Variants in CNTNAP5 observed in about 807,000 individuals in gnomAD.
CNTNAP5 encodes contactin-associated protein-like 5.
CNTNAP5 carries 72 observed loss-of-function variants against 150.2 expected under a neutral mutation model. The ratio of observed to expected loss-of-function variants is 0.48; its 90% CI spans 0.40 to 0.58. The LOEUF is 0.58. CNTNAP5 is among the 20% of genes least tolerant of loss of function. The pLI is 0.00. For missense variants in CNTNAP5, 1,636 were observed against 1,626.2 expected (o/e 1.01, Z -0.10); for synonymous variants, 672 against 619.8 (o/e 1.08, Z -1.25).
At chr2:124,592,912 T>C (rs1696730282) in intron 11 of CNTNAP5, among the ~76,000 whole-genome samples, 1 of 151,924 alleles carries the variant, frequency 6.6e-6, no homozygotes, top group Non-Finnish European at 1.5e-5. Flanking sequence ...CCTTTTTTTG[T>C]TTATTGTATC....
chr2:124,553,913 G>T (rs1038275416), intron 10 of CNTNAP5, among the ~76,000 whole-genome samples: 1 of 152,120 alleles, frequency 6.6e-6, no homozygotes, highest in Non-Finnish European at 1.5e-5. Context: ...AGGGATATGA[G>T]GGCCAAAGGT....
intron 13 of CNTNAP5, among the ~76,000 whole-genome samples, chr2:124,680,127 T>C (rs1399864703): frequency 2.6e-5 from 4 of 151,776 alleles, no homozygotes; most frequent in Non-Finnish European, 4.4e-5. Context: ...CCCTCAAAAG[T>C]TCTTTGTCAG....
intron 13 of CNTNAP5, among the ~76,000 whole-genome samples, chr2:124,707,140 G>GGAAGAAGAAGAGGAA (rs1679697669): frequency 1.2e-5 from 1 of 86,380 alleles, no homozygotes; most frequent in Non-Finnish European, 2.4e-5. Context: ...AAGAAGAAGA[G>GGAAGAAGAAGAGGAA]GAAGAAGAAG....
intron 1 of CNTNAP5, among the ~76,000 whole-genome samples, chr2:124,145,844 A>AAAT (rs1684238489): frequency 2.0e-4 from 29 of 142,470 alleles, no homozygotes; most frequent in Non-Finnish European, 4.0e-4. Flanking sequence ...AAAAAAAAAA[A>AAAT]AATAAAATAT....
At chr2:124,667,989 A>C (rs1215441037) in intron 13 of CNTNAP5, among the ~76,000 whole-genome samples, 2 of 152,250 alleles carry the variant, frequency 1.3e-5, no homozygotes, top group African/African-American at 4.8e-5. Context: ...TGATGGAACT[A>C]GTTCATCAAA....
At chr2:124,600,747 GAGAGAGAGAGAGAGAGAGAGAA>G (rs1315582400) in intron 11 of CNTNAP5, among the ~76,000 whole-genome samples, 33 of 126,936 alleles carry the variant, frequency 2.6e-4, no homozygotes, top group East Asian at 1.8e-3. Flanking sequence ...GAGAGAGAGA[GAGAGAGAGAGAGAGAGAGAGAA>G]AGAGAGAGAA....
intron 21 of CNTNAP5, among the ~76,000 whole-genome samples, chr2:124,886,632 C>T (rs531721105): frequency 1.3e-4 from 19 of 151,978 alleles, no homozygotes; most frequent in Admixed American, 4.6e-4. Flanking sequence ...TGCAAGCAAA[C>T]CTACTTTTCA....
chr2:124,562,086 C>G (rs1342655982), intron 10 of CNTNAP5, among the ~76,000 whole-genome samples: 2 of 152,100 alleles, frequency 1.3e-5, no homozygotes, highest in Non-Finnish European at 1.5e-5. Flanking sequence ...AAGAATAACC[C>G]AAAGGCACCA....
chr2:124,675,092 T>A (rs997373017), intron 13 of CNTNAP5, among the ~76,000 whole-genome samples: 9 of 152,232 alleles, frequency 5.9e-5, no homozygotes, highest in Non-Finnish European at 8.8e-5. Context: ...TTTCTTCAAC[T>A]TTTTTTGTGC....
intron 2 of CNTNAP5, among the ~76,000 whole-genome samples, chr2:124,238,351 A>G (rs1444515483): frequency 1.3e-5 from 2 of 152,044 alleles, no homozygotes; most frequent in Non-Finnish European, 2.9e-5. Flanking sequence ...TCAGGAACAG[A>G]GCTGGGTCTT....
At chr2:124,273,589 T>A (rs1252828247) in intron 3 of CNTNAP5, among the ~76,000 whole-genome samples, 2 of 152,118 alleles carry the variant, frequency 1.3e-5, no homozygotes, top group Non-Finnish European at 2.9e-5. Context: ...TCAGGATGGA[T>A]GCCATGTTGA....
chr2:124,368,163 A>G (rs1416261949), intron 3 of CNTNAP5, among the ~76,000 whole-genome samples: 2 of 152,192 alleles, frequency 1.3e-5, no homozygotes, highest in East Asian at 3.8e-4. Context: ...AGCAAGTTTG[A>G]TTAGTGCAAT....
intron 4 of CNTNAP5, among the ~76,000 whole-genome samples, chr2:124,428,860 ATATATTCAGT>A (rs368747946): frequency 3.7e-4 from 56 of 150,890 alleles, no homozygotes; most frequent in African/African-American, 1.2e-3. Context: ...AATATGGGAG[ATATATTCAGT>A]TTTATGTTTT....
intron 3 of CNTNAP5, among the ~76,000 whole-genome samples, chr2:124,389,433 T>C (rs1206343732): frequency 2.0e-5 from 3 of 152,222 alleles, no homozygotes; most frequent in Non-Finnish European, 2.9e-5. Context: ...AGTTAGCCCA[T>C]AGGTTTTGTC....
intron 8 of CNTNAP5, among the ~76,000 whole-genome samples, chr2:124,509,996 G>T (rs1694520374): frequency 6.6e-6 from 1 of 151,912 alleles, no homozygotes; most frequent in Admixed American, 6.6e-5. Context: ...GAGGTCAGGA[G>T]TTCAAGACCA....
At chr2:124,726,958 T>C (rs1680169189) in intron 13 of CNTNAP5, among the ~76,000 whole-genome samples, 2 of 152,268 alleles carry the variant, frequency 1.3e-5, no homozygotes, top group African/African-American at 2.4e-5. Flanking sequence ...CTGTTATTTT[T>C]ACAGGTACAG....
intron 3 of CNTNAP5, among the ~76,000 whole-genome samples, chr2:124,380,430 G>A (rs891913806): frequency 6.6e-6 from 1 of 152,146 alleles, no homozygotes; most frequent in Non-Finnish European, 1.5e-5. Flanking sequence ...TAATGCATTT[G>A]TACTCTGGTG....
intron 11 of CNTNAP5, among the ~76,000 whole-genome samples, chr2:124,569,067 A>G (rs1696094818): frequency 6.6e-6 from 1 of 152,046 alleles, no homozygotes; most frequent in South Asian, 2.1e-4. Flanking sequence ...AAATATATAT[A>G]TATATCTTTT....
chr2:124,558,453 G>A (rs368906318), intron 10 of CNTNAP5, among the ~76,000 whole-genome samples: 1 of 12,680 alleles, frequency 7.9e-5, no homozygotes, highest in South Asian at 3.1e-3. Context: ...AGACACCCAC[G>A]TGGAGCTGTC....
Sources: gnomAD v4.1 joint callset for allele counts (sites outside exome capture counted in the v4.1 genomes callset) on GRCh38, gnomAD v4.1.1 for gene constraint, MANE v1.5 for transcripts, NCBI Gene and HGNC (gene_info 2026-07-23, HGNC 2026-07-21) for gene names.